The following EPM2A variants were observed in gnomAD, a reference collection of about 807,000 sequenced individuals.
EPM2A encodes laforin.
In EPM2A, 21 loss-of-function variants were observed where a neutral mutation model predicts 26.5. The ratio of observed to expected loss-of-function variants is 0.79; its 90% CI spans 0.56 to 1.14. EPM2A has a LOEUF of 1.14. Among genes scored for constraint, EPM2A ranks in the 50% most tolerant of loss-of-function variants. The pLI, the probability that EPM2A is intolerant of heterozygous loss-of-function variation, is 0.00. For synonymous variants in EPM2A, 217 were observed against 177.6 expected (o/e 1.22, Z -1.76); for missense variants, 458 against 440.8 (o/e 1.04, Z -0.35).
At chr6:145,485,960 C>T (rs539025079) in intron 4 of EPM2A, among the ~76,000 whole-genome samples, 7 of 152,282 alleles carry the variant, frequency 4.6e-5, no homozygotes, top group African/African-American at 1.7e-4. Context: ...CCTCATGATT[C>T]GGTTATCTCC....
chr6:145,398,078 A>G (rs1778430192), intron 4 of EPM2A, among the ~76,000 whole-genome samples: 1 of 152,030 alleles, frequency 6.6e-6, no homozygotes, highest in Non-Finnish European at 1.5e-5. Flanking sequence ...AATTGTTTTA[A>G]TTGTTATATC....
At chr6:145,529,106 C>T (rs1401000666) in intron 2 of EPM2A, among the ~76,000 whole-genome samples, 5 of 145,748 alleles carry the variant, frequency 3.4e-5, no homozygotes, top group Non-Finnish European at 7.7e-5. Context: ...TGAGGAGTTG[C>T]TTTTTATGGA....
intron 2 of EPM2A, among the ~76,000 whole-genome samples, chr6:145,678,748 C>A (rs546065382): frequency 6.6e-6 from 1 of 152,246 alleles, no homozygotes; most frequent in East Asian, 1.9e-4. Context: ...AGTCAGGAAA[C>A]AACAGATGCT....
At position 145,626,272 on chromosome 6, in the gene EPM2A, G is replaced by A. The variant is rs557145515; in HGVS notation, c.*1144C>T. The A allele has an allele frequency of 6.4e-5, 63 of 988,104 alleles. No homozygotes were observed. Among genetic ancestry groups the A allele is most frequent in the East Asian group, 1.1e-4 (1 of 8,886 alleles). The allele number at this position is 988,104 out of a possible 1,614,324, so 61.2% of individuals were successfully genotyped here. On this transcript the variant is annotated 3_prime_UTR_variant, in exon 4 of 4. Transcript: ENST00000367519. ...TATTTCCTGTAGAACCTAGGGTGAT[G>A]AGCTGCATAGTCTGGAGGCACAGGA...
chr6:145,650,028 A>C (rs527529088), intron 2 of EPM2A, among the ~76,000 whole-genome samples: 1 of 152,280 alleles, frequency 6.6e-6, no homozygotes, highest in East Asian at 1.9e-4. Context: ...ACAGGGTACA[A>C]AGAGCAAGTA....
At chr6:145,515,722 T>TA (rs1326860500) in intron 2 of EPM2A, among the ~76,000 whole-genome samples, 1 of 152,118 alleles carries the variant, frequency 6.6e-6, no homozygotes, top group African/African-American at 2.4e-5. Context: ...TGGGGGGACA[T>TA]AAACATTCAA....
chr6:145,705,403 GT>G, intron 1 of EPM2A: 1 of 356,112 alleles, frequency 2.8e-6, no homozygotes, highest in African/African-American at 2.1e-5. Flanking sequence ...ACACACACAA[GT>G]TAGCTGGGCA....
chr6:145,526,595 A>T (rs1375383583), intron 2 of EPM2A, among the ~76,000 whole-genome samples: 1 of 152,050 alleles, frequency 6.6e-6, no homozygotes, highest in African/African-American at 2.4e-5. Flanking sequence ...AGTTTGTAAT[A>T]GGTTCTGAGG....
intron 1 of EPM2A, among the ~76,000 whole-genome samples, chr6:145,716,865 G>C (rs1775657075): frequency 6.6e-6 from 1 of 152,114 alleles, no homozygotes; most frequent in African/African-American, 2.4e-5. Flanking sequence ...ATTCAGATCA[G>C]ATTTTTAAAA....
At chr6:145,574,292 T>C (rs911267774) in intron 2 of EPM2A, among the ~76,000 whole-genome samples, 2 of 152,160 alleles carry the variant, frequency 1.3e-5, no homozygotes, top group Non-Finnish European at 2.9e-5. Context: ...ACACCATGAT[T>C]AATTAGCCAA....
chr6:145,577,720 C>T (rs953452358), intron 2 of EPM2A, among the ~76,000 whole-genome samples: 3 of 152,046 alleles, frequency 2.0e-5, no homozygotes, highest in African/African-American at 7.2e-5. Flanking sequence ...ATTTACAGAG[C>T]ATTTTATCTA....
chr6:145,634,951 G>A (rs1337666441), intron 3 of EPM2A: 3 of 324,450 alleles, frequency 9.2e-6, no homozygotes, highest in Non-Finnish European at 1.7e-5. Context: ...GCGCTCCGTG[G>A]GGGCAGAAGT....
At chr6:145,506,696 T>G (rs929364327) in intron 2 of EPM2A, among the ~76,000 whole-genome samples, 2 of 152,184 alleles carry the variant, frequency 1.3e-5, no homozygotes, top group African/African-American at 4.8e-5. Flanking sequence ...AGAGGTTGTA[T>G]CTGGGTCATA....
intron 1 of EPM2A, among the ~76,000 whole-genome samples, chr6:145,715,879 T>C (rs1775588948): frequency 6.6e-6 from 1 of 152,204 alleles, no homozygotes; most frequent in Non-Finnish European, 1.5e-5. Context: ...TGGTGAGTTG[T>C]ATAATTATTT....
chr6:145,622,042 C>T (rs967686006), downstream of EPM2A, among the ~76,000 whole-genome samples: 1 of 152,122 alleles, frequency 6.6e-6, no homozygotes, highest in African/African-American at 2.4e-5. Context: ...AGTTCTTCCA[C>T]TATATTTTCT....
intron 1 of EPM2A, among the ~76,000 whole-genome samples, chr6:145,723,630 T>C (rs73566139): frequency 0.067 from 10,158 of 152,168 alleles, 1,138 homozygotes; most frequent in African/African-American, 0.23. Context: ...ATAAAATAAT[T>C]GTTTTTGAAT....
intron 4 of EPM2A, among the ~76,000 whole-genome samples, chr6:145,472,534 T>C (rs753917625): frequency 6.6e-6 from 1 of 152,022 alleles, no homozygotes. Flanking sequence ...GGGAGACCAC[T>C]GCCCTGAAGA....
intron 2 of EPM2A, among the ~76,000 whole-genome samples, chr6:145,525,215 TTTTATTTA>T (rs71552932): frequency 0.33 from 48,362 of 146,878 alleles, 8,039 homozygotes; most frequent in South Asian, 0.41. Context: ...ATGCCTTCAA[TTTTATTTA>T]TTTATTTATT....
At chr6:145,674,087 C>A (rs1583024711) in intron 2 of EPM2A, among the ~76,000 whole-genome samples, 2 of 152,248 alleles carry the variant, frequency 1.3e-5, no homozygotes, top group Admixed American at 6.5e-5. Context: ...GATGAAGCTT[C>A]CAGAGGAAGG....
Sources: gnomAD v4.1 joint callset for allele counts (sites outside exome capture counted in the v4.1 genomes callset) on GRCh38, gnomAD v4.1.1 for gene constraint, MANE v1.5 for transcripts, NCBI Gene and HGNC (gene_info 2026-07-23, HGNC 2026-07-21) for gene names.